PLSCR4: variants seen among roughly 807,000 people sequenced by gnomAD.
PLSCR4 encodes the protein phospholipid scramblase 4, also known as Ca(2+)-dependent phospholipid scramblase 4.
A neutral mutation model predicts 36.3 loss-of-function variants in PLSCR4; 25 were observed. That is an observed-to-expected ratio of 0.69 (90% CI 0.50 to 0.96). The LOEUF (loss-of-function observed/expected upper bound fraction) is 0.96, where lower values mean the gene tolerates loss of function less well. Among genes scored for constraint, PLSCR4 ranks in the 40% least tolerant of loss-of-function variants. PLSCR4 has a pLI of 0.00. For synonymous variants in PLSCR4, 122 were observed against 132.9 expected, an observed-to-expected ratio of 0.92 and a Z score of 0.56; for missense variants, 408 against 414.7, an observed-to-expected ratio of 0.98 and a Z score of 0.14.
intron 1 of PLSCR4, among the ~76,000 whole-genome samples, chr3:146,224,188 T>G (rs569408390): frequency 6.6e-6 from 1 of 152,202 alleles, no homozygotes; most frequent in Non-Finnish European, 1.5e-5. Flanking sequence ...GATAACACTA[T>G]TCATATTTAA....
chr3:146,234,976 A>G (rs899667627), intron 1 of PLSCR4, among the ~76,000 whole-genome samples: 1 of 152,188 alleles, frequency 6.6e-6, no homozygotes, highest in Non-Finnish European at 1.5e-5. Context: ...TTTGGCCTCA[A>G]TCCAAGTGGA....
chr3:146,206,813 A>G, intron 3 of PLSCR4, 52 bp from the exon 4 acceptor site: 4 of 1,130,428 alleles, frequency 3.5e-6, no homozygotes, highest in Non-Finnish European at 3.8e-6. Flanking sequence ...TAAAGTTAGC[A>G]TAACTTTTTA....
intron 3 of PLSCR4, among the ~76,000 whole-genome samples, chr3:146,209,286 G>T (rs1223253519): frequency 6.6e-6 from 1 of 151,918 alleles, no homozygotes. Flanking sequence ...AGGGGGTGAG[G>T]GATAAAAGGC....
At chr3:146,198,966 T>C (rs1422063017) in intron 6 of PLSCR4, among the ~76,000 whole-genome samples, 1 of 152,138 alleles carries the variant, frequency 6.6e-6, no homozygotes. Flanking sequence ...TGCAGAAGAA[T>C]TGACTTAATC....
At chr3:146,225,164 G>C (rs966201586) in intron 1 of PLSCR4, among the ~76,000 whole-genome samples, 1 of 148,368 alleles carries the variant, frequency 6.7e-6, no homozygotes, top group Non-Finnish European at 1.5e-5. Flanking sequence ...CTAAACACAG[G>C]GTGCTGATTG....
intron 1 of PLSCR4, among the ~76,000 whole-genome samples, chr3:146,235,552 G>C (rs2035880736): frequency 6.6e-6 from 1 of 152,084 alleles, no homozygotes; most frequent in Non-Finnish European, 1.5e-5. Flanking sequence ...TTACAGCAGT[G>C]CAAGAATGGA....
intron 3 of PLSCR4, among the ~76,000 whole-genome samples, chr3:146,210,355 A>G (rs985953096): frequency 6.6e-6 from 1 of 152,078 alleles, no homozygotes; most frequent in Non-Finnish European, 1.5e-5. Flanking sequence ...TGAACTGTAA[A>G]ATCTGAAGCC....
rs1435121932 is a variant in PLSCR4 at position 146,195,431 on chromosome 3, G to GT, written c.787-150dup. 8 of 652,600 alleles carry GT rather than the reference G, an allele frequency of 1.2e-5. No homozygotes were observed. In the African/African-American group the frequency reaches 1.5e-4, roughly 12 times the overall value. The allele number at this position is 652,600 out of a possible 1,614,324, so 40.4% of individuals were successfully genotyped here. Reference sequence around the variant, plus strand: ...AATGAGAAAATAATGGCCAAAAAGGGTTAACTGCCTTGCAACTGGTTAATA... The same window carrying GT: ...AATGAGAAAATAATGGCCAAAAAGGGTTTAACTGCCTTGCAACTGGTTAATA... On this transcript the variant is annotated intron_variant, in intron 7 of 8. Transcript: ENST00000354952.
Position 146,194,200 on chromosome 3 carries a change from A to C in PLSCR4, c.*211T>G. The stretch of plus-strand genomic sequence containing the variant: ...TAATGAGTCACAGCTTTTCAGGATG[A>C]ACTCCTATTCTACTAGAGAGATACT... On this transcript the variant is annotated 3_prime_UTR_variant, in exon 9 of 9. Transcript: ENST00000354952. 5.9e-6 allele frequency: 3 copies of C among 509,872 alleles called. No homozygotes were observed. The highest frequency in any genetic ancestry group is 1.0e-5 in the Non-Finnish European group (3 of 288,206). The allele number at this position is 509,872 out of a possible 1,614,324, so 31.6% of individuals were successfully genotyped here. A position where few individuals can be genotyped will look rare whatever the true frequency, so the allele number is the denominator to read the frequency against.
At chr3:146,224,959 A>T (rs2035379301) in intron 1 of PLSCR4, among the ~76,000 whole-genome samples, 1 of 151,638 alleles carries the variant, frequency 6.6e-6, no homozygotes, top group Non-Finnish European at 1.5e-5. Context: ...GCAGCTAGAT[A>T]CAGAGTGTCG....
At chr3:146,196,839 C>G in intron 6 of PLSCR4, 46 bp from the exon 7 acceptor site, 1 of 1,531,018 alleles carries the variant, frequency 6.5e-7, no homozygotes, top group Non-Finnish European at 9.0e-7. Context: ...CATGCATACA[C>G]ATACACTTAC....
Position 146,195,167 on chromosome 3 carries a change from T to C in PLSCR4, c.902A>G (p.Asp301Gly). The change falls in exon 8 of 9, where the codon GAT (aspartate) becomes GGT (glycine). Residue 301 changes from aspartate (D) to glycine (G), a missense_variant. Physicochemically the swap from Asp to Gly is moderately conservative, Grantham distance 94. Coordinates refer to ENST00000354952, the MANE Select transcript of PLSCR4 (RefSeq NM_020353.3). ...AAAAATCATGGCTTTCATCTTCACA[T>C]CCAGGTCTAGTGGGAAGTGAATGTC... The part of the protein sequence containing the change: ...HFDIHFPLDL[D>G]VKMKAMIFGA... 6.2e-7 allele frequency: 1 copy of C among 1,613,908 alleles called. No homozygotes were observed.
intron 1 of PLSCR4, among the ~76,000 whole-genome samples, chr3:146,240,898 T>G (rs1053495082): frequency 6.6e-6 from 1 of 152,190 alleles, no homozygotes; most frequent in African/African-American, 2.4e-5. Flanking sequence ...ATGTTCATAA[T>G]AGCATTACAC....
chr3:146,231,280 T>C (rs2035700244), intron 1 of PLSCR4, among the ~76,000 whole-genome samples: 1 of 152,208 alleles, frequency 6.6e-6, no homozygotes, highest in Non-Finnish European at 1.5e-5. Context: ...GATGGGCAAC[T>C]AGGTTGACTT....
In PLSCR4 at chr3:146,232,842, A is replaced by G. The variant is rs542532517; in HGVS notation, c.-21-10750T>C. ...AGTACATAGAGTCATGTCTGCATAT[A>G]GTAGGTACCCAATAAACATTGCCTA... is the stretch of plus-strand genomic sequence containing the variant. On this transcript the variant is annotated intron_variant, in intron 1 of 8. Coordinates refer to ENST00000354952, the MANE Select transcript of PLSCR4 (RefSeq NM_020353.3). Among the ~76,000 whole-genome samples, 10 of 152,288 alleles carry G rather than the reference A, an allele frequency of 6.6e-5. No homozygotes were observed. The East Asian group carries it at 1.9e-3, about 29-fold the overall frequency.
intron 1 of PLSCR4, among the ~76,000 whole-genome samples, chr3:146,243,760 G>A (rs191135058): frequency 1.2e-3 from 177 of 152,190 alleles, no homozygotes; most frequent in Admixed American, 8.5e-3. Flanking sequence ...ATGAGACAGC[G>A]GACTCCAGAG....
At chr3:146,214,487 T>A (rs1313147370) in intron 3 of PLSCR4, among the ~76,000 whole-genome samples, 1 of 152,060 alleles carries the variant, frequency 6.6e-6, no homozygotes, top group Admixed American at 6.6e-5. Context: ...CTTCTTTAGC[T>A]CATATGTTTT....
Position 146,229,846 on chromosome 3 carries a change from G to T in PLSCR4, c.-21-7754C>A, listed in dbSNP as rs1207762405. 4.6e-5 allele frequency among the ~76,000 whole-genome samples: 7 copies of T among 151,954 alleles called. No individual in the cohort carries two copies. In the South Asian group the frequency reaches 1.5e-3, roughly 32 times the overall value. On this transcript the variant is annotated intron_variant, in intron 1 of 8. Transcript: ENST00000354952. ...TCACCATGTTAGCCAGGATGGTCTC[G>T]ATCTCCTGACCTCGTGATCCACCCG...
chr3:146,219,471 A>G (rs547510976), intron 3 of PLSCR4, among the ~76,000 whole-genome samples: 4 of 152,306 alleles, frequency 2.6e-5, no homozygotes, highest in African/African-American at 9.6e-5. Flanking sequence ...GATTTAGGAA[A>G]GGTTGCGCTA....
Sources: gnomAD v4.1 joint callset for allele counts (sites outside exome capture counted in the v4.1 genomes callset) on GRCh38, gnomAD v4.1.1 for gene constraint, MANE v1.5 for transcripts, NCBI Gene and HGNC (gene_info 2026-07-23, HGNC 2026-07-21) for gene names.